Variants in NFIB observed in about 807,000 individuals in gnomAD.
NFIB encodes the protein nuclear factor 1 B-type.
NFIB carries 11 observed loss-of-function variants against 61.5 expected under a neutral mutation model. The observed-to-expected ratio is 0.18, with a 90% CI of 0.11 to 0.30. NFIB has a LOEUF of 0.30. Ranked by LOEUF, NFIB falls within the 10% of genes least tolerant of loss-of-function variation. The pLI, the probability that NFIB is intolerant of heterozygous loss-of-function variation, is 1.00. For synonymous variants in NFIB, 260 were observed against 216.5 expected, an observed-to-expected ratio of 1.20 and a Z score of -1.76; for missense variants, 471 against 608.9, an observed-to-expected ratio of 0.77 and a Z score of 2.38.
At chr9:14,422,618 C>T in the NFIB span, among the ~76,000 whole-genome samples, 1 of 152,188 alleles carries the variant, frequency 6.6e-6, no homozygotes, top group Non-Finnish European at 1.5e-5. Flanking sequence ...GAGACAATAT[C>T]CTTTCACTTT....
the NFIB span, among the ~76,000 whole-genome samples, chr9:14,505,461 G>A: frequency 2.0e-5 from 3 of 152,158 alleles, no homozygotes; most frequent in Non-Finnish European, 4.4e-5. Context: ...AAGGATGCCA[G>A]GAGGAGGCAG....
intron 1 of NFIB, among the ~76,000 whole-genome samples, chr9:14,394,476 A>G (rs1588418189): frequency 6.6e-6 from 1 of 152,200 alleles, no homozygotes; most frequent in Admixed American, 6.5e-5. Flanking sequence ...CATGTCTTAC[A>G]TGGTGGCAGG....
the NFIB span, among the ~76,000 whole-genome samples, chr9:14,479,140 C>A: frequency 4.6e-3 from 702 of 152,170 alleles, 6 homozygotes; most frequent in African/African-American, 0.016. Flanking sequence ...GGTCCCTCAC[C>A]CAGTGAATAA....
the NFIB span, among the ~76,000 whole-genome samples, chr9:14,456,122 G>C: frequency 6.6e-6 from 1 of 151,604 alleles, no homozygotes; most frequent in East Asian, 1.9e-4. Flanking sequence ...CATTTCTGTA[G>C]GTCAAAAATT....
intron 2 of NFIB, among the ~76,000 whole-genome samples, chr9:14,299,378 T>C (rs925462558): frequency 6.6e-6 from 1 of 152,232 alleles, no homozygotes; most frequent in Non-Finnish European, 1.5e-5. Flanking sequence ...TGTAGTTTTA[T>C]GAGAGATGTG....
At chr9:14,334,827 T>C (rs892372080) in intron 1 of NFIB, among the ~76,000 whole-genome samples, 1 of 152,228 alleles carries the variant, frequency 6.6e-6, no homozygotes, top group African/African-American at 2.4e-5. Context: ...TTTATATGCC[T>C]CTTGGTGATC....
At chr9:14,343,248 A>G (rs1454461016) in intron 1 of NFIB, among the ~76,000 whole-genome samples, 2 of 152,084 alleles carry the variant, frequency 1.3e-5, no homozygotes, top group Non-Finnish European at 2.9e-5. Flanking sequence ...ACCATGCTAT[A>G]CTTCTCTTGA....
At chr9:14,123,149 C>T (rs775450857) in intron 7 of NFIB, among the ~76,000 whole-genome samples, 69 of 150,770 alleles carry the variant, frequency 4.6e-4, no homozygotes, top group Admixed American at 3.0e-3. Context: ...CCCAGTTACT[C>T]GGGAGGCTGA....
At chr9:14,405,245 A>T in the NFIB span, among the ~76,000 whole-genome samples, 4 of 152,252 alleles carry the variant, frequency 2.6e-5, no homozygotes, top group Non-Finnish European at 4.4e-5. Context: ...GAATGGTTAT[A>T]GGGAGCAGAG....
the NFIB span, among the ~76,000 whole-genome samples, chr9:14,439,486 G>C: frequency 1.3e-5 from 2 of 152,222 alleles, no homozygotes; most frequent in African/African-American, 4.8e-5. Context: ...TGTGAGGATT[G>C]AATAAACATA....
In NFIB at chr9:14,263,991, G is replaced by A. The variant is rs114767307; in HGVS notation, c.562+42998C>T. On this transcript the variant is annotated intron_variant, in intron 2 of 10. Transcript: ENST00000380953. ...TGAGAAAGAGTGATTTCACTGACAG[G>A]GCAGAACAATTGCCCATGGTTGTCA... 6.9e-3 allele frequency among the ~76,000 whole-genome samples: 1,056 copies of A among 152,188 alleles called. 16 individuals carry two copies. The highest frequency in any genetic ancestry group is 0.023 in the African/African-American group (964 of 41,510).
At chr9:14,217,906 T>C (rs2051139749) in intron 2 of NFIB, among the ~76,000 whole-genome samples, 1 of 152,166 alleles carries the variant, frequency 6.6e-6, no homozygotes, top group Admixed American at 6.5e-5. Flanking sequence ...AAATCTGGGT[T>C]AAGTCAGAAT....
the NFIB span, among the ~76,000 whole-genome samples, chr9:14,521,456 C>G: frequency 6.6e-6 from 1 of 152,124 alleles, no homozygotes; most frequent in Non-Finnish European, 1.5e-5. Context: ...TAAGCTTGGA[C>G]AAACTATTTA....
chr9:14,451,717 C>T, the NFIB span, among the ~76,000 whole-genome samples: 1 of 152,070 alleles, frequency 6.6e-6, no homozygotes, highest in African/African-American at 2.4e-5. Flanking sequence ...CTTTAGTCTC[C>T]CATTTAACAT....
intron 5 of NFIB, among the ~76,000 whole-genome samples, chr9:14,147,510 TG>T (rs1294137028): frequency 5.3e-5 from 8 of 151,968 alleles, no homozygotes; most frequent in South Asian, 4.1e-4. Context: ...AGTATTTTAC[TG>T]ATTATAAACT....
At chr9:14,322,840 G>A (rs954456001) in intron 1 of NFIB, among the ~76,000 whole-genome samples, 1 of 152,136 alleles carries the variant, frequency 6.6e-6, no homozygotes. Context: ...GCATGGGGCC[G>A]GAGAGCGGCG....
chr9:14,203,739 G>A (rs2049314988), intron 2 of NFIB, among the ~76,000 whole-genome samples: 1 of 152,126 alleles, frequency 6.6e-6, no homozygotes, highest in African/African-American at 2.4e-5. Context: ...AATAAGACTT[G>A]GTACCACAAC....
At chr9:14,100,708 C>T (rs911407355) in intron 10 of NFIB, among the ~76,000 whole-genome samples, 1 of 152,166 alleles carries the variant, frequency 6.6e-6, no homozygotes, top group African/African-American at 2.4e-5. Flanking sequence ...AGCGAGACTC[C>T]GTCTCAAAAC....
In NFIB at chr9:14,188,715, A is replaced by G. The variant is rs565112221; in HGVS notation, c.563-8935T>C. ...ATGAAAATAATAAAGTCCTTTCCAA[A>G]ACCCAGCCAGATCCAGTAGGAAAAG... is the stretch of plus-strand genomic sequence containing the variant. On this transcript the variant is annotated intron_variant, in intron 2 of 10. Transcript: ENST00000380953. Among the ~76,000 whole-genome samples, 32 of 152,322 alleles carry G rather than the reference A, an allele frequency of 2.1e-4. 1 individual carries two copies. The highest frequency in any genetic ancestry group is 5.9e-4 in the Admixed American group (9 of 15,292).
Sources: gnomAD v4.1 joint callset for allele counts (sites outside exome capture counted in the v4.1 genomes callset) on GRCh38, gnomAD v4.1.1 for gene constraint, MANE v1.5 for transcripts, NCBI Gene and HGNC (gene_info 2026-07-23, HGNC 2026-07-21) for gene names.